AAGAB: variants seen among roughly 807,000 people sequenced by gnomAD.
The protein encoded by AAGAB is alpha and gamma adaptin binding protein.
In AAGAB, 38 loss-of-function variants were observed where a neutral mutation model predicts 44.1. The observed-to-expected ratio is 0.86, with a 90% confidence interval of 0.67 to 1.13. The LOEUF is 1.13. Among genes scored for constraint, AAGAB ranks in the 50% most tolerant of loss-of-function variants. The probability of loss-of-function intolerance (pLI) is 0.00; values close to 1 mark genes in which losing one functional copy is unlikely to be tolerated. For synonymous variants in AAGAB, 131 were observed against 131.8 expected (o/e 0.99, Z 0.04); for missense variants, 450 against 373.8 (o/e 1.20, Z -1.68).
intron 8 of AAGAB, 87 bp from the exon 9 acceptor site, chr15:67,203,684 G>T: frequency 8.5e-7 from 1 of 1,183,402 alleles, no homozygotes; most frequent in Non-Finnish European, 1.2e-6. Context: ...TGGGAGACGG[G>T]TTTCAAAGAC....
At chr15:67,235,752 T>C (rs887369795) in intron 4 of AAGAB, among the ~76,000 whole-genome samples, 5 of 152,160 alleles carry the variant, frequency 3.3e-5, no homozygotes, top group African/African-American at 1.2e-4. Flanking sequence ...CCTTTATCCA[T>C]AAGAAAAACA....
At chr15:67,223,419 C>G (rs1365364045) in intron 5 of AAGAB, among the ~76,000 whole-genome samples, 2 of 152,198 alleles carry the variant, frequency 1.3e-5, no homozygotes, top group Non-Finnish European at 2.9e-5. Context: ...ACTAATCTTT[C>G]AAGTGTTCAG....
upstream of AAGAB, chr15:67,255,034 C>G: frequency 2.3e-6 from 3 of 1,295,478 alleles, no homozygotes; most frequent in Non-Finnish European, 3.3e-6. Context: ...CGACGCTCAC[C>G]CATTTGGTGC....
chr15:67,245,774 T>C (rs1296264453), intron 1 of AAGAB, among the ~76,000 whole-genome samples: 1 of 152,190 alleles, frequency 6.6e-6, no homozygotes, highest in Non-Finnish European at 1.5e-5. Context: ...TGAAGTTAAC[T>C]TGTTTAAAGT....
rs1011115895 is a variant in AAGAB at position 67,229,907 on chromosome 15, C to G, written c.535+1907G>C. Among the ~76,000 whole-genome samples, 3 of 152,014 alleles carry G rather than the reference C, an allele frequency of 2.0e-5. No individual in the cohort carries two copies. The South Asian group carries it at 6.2e-4, about 32-fold the overall frequency. ...CTGTCGCCAGACTGGAGTGCAGTGG[C>G]GCGATCTCGGCTCACTGCAACCTCT... On this transcript the variant is annotated intron_variant, in intron 5 of 9. Transcript: ENST00000261880.
intron 7 of AAGAB, among the ~76,000 whole-genome samples, chr15:67,207,833 A>G (rs1051814413): frequency 2.9e-5 from 4 of 136,446 alleles, no homozygotes; most frequent in African/African-American, 7.9e-5. Context: ...TAAACTGGAA[A>G]GAAAAAAAAT....
At chr15:67,231,379 T>G (rs1964330866) in intron 5 of AAGAB, among the ~76,000 whole-genome samples, 1 of 152,220 alleles carries the variant, frequency 6.6e-6, no homozygotes, top group African/African-American at 2.4e-5. Flanking sequence ...AAGCTCTCTC[T>G]CTATACTTAA....
chr15:67,230,579 T>C (rs1381719966), intron 5 of AAGAB, among the ~76,000 whole-genome samples: 2 of 152,304 alleles, frequency 1.3e-5, no homozygotes, highest in East Asian at 3.9e-4. Flanking sequence ...AGAGGGACCA[T>C]GGCCCTGCCA....
At chr15:67,203,859 G>A (rs1194969611) in intron 8 of AAGAB, among the ~76,000 whole-genome samples, 185 bp downstream of exon 8, 2 of 151,942 alleles carry the variant, frequency 1.3e-5, no homozygotes, top group African/African-American at 4.8e-5. Flanking sequence ...GAAAGAGAAC[G>A]AAGATGGAAA....
intron 5 of AAGAB, among the ~76,000 whole-genome samples, chr15:67,223,359 G>C (rs890907075): frequency 1.3e-5 from 2 of 152,166 alleles, no homozygotes; most frequent in Admixed American, 6.5e-5. Flanking sequence ...ACTACTGATA[G>C]GTGACCCTGT....
intron 5 of AAGAB, among the ~76,000 whole-genome samples, chr15:67,231,274 G>A (rs1845037569): frequency 6.6e-6 from 1 of 152,178 alleles, no homozygotes; most frequent in Non-Finnish European, 1.5e-5. Flanking sequence ...TATTCTCTAT[G>A]TCATGCTTCC....
At chr15:67,222,240 GCGCACACA>G (rs1323862706) in intron 5 of AAGAB, among the ~76,000 whole-genome samples, 17,794 of 88,038 alleles carry the variant, frequency 0.2, 1,071 homozygotes, top group East Asian at 0.29. Context: ...ACGCGCGCGC[GCGCACACA>G]CACACACACA....
intron 5 of AAGAB, among the ~76,000 whole-genome samples, chr15:67,228,726 C>T (rs1343676416): frequency 1.3e-5 from 2 of 152,170 alleles, no homozygotes; most frequent in African/African-American, 4.8e-5. Context: ...AATCAACCTA[C>T]ATGCCCATCA....
chr15:67,220,668 C>CATT (rs1964046148), intron 5 of AAGAB: 2 of 152,134 alleles, frequency 1.3e-5, no homozygotes, highest in Non-Finnish European at 1.5e-5. Flanking sequence ...TCATAAAACA[C>CATT]AAGAACATGT....
At chr15:67,224,513 A>G (rs1314925416) in intron 5 of AAGAB, among the ~76,000 whole-genome samples, 1 of 152,082 alleles carries the variant, frequency 6.6e-6, no homozygotes, top group Non-Finnish European at 1.5e-5. Context: ...TTCCCTATAG[A>G]TGACTCCATA....
intron 1 of AAGAB, among the ~76,000 whole-genome samples, chr15:67,247,152 G>T (rs1204691648): frequency 6.6e-6 from 1 of 152,146 alleles, no homozygotes; most frequent in African/African-American, 2.4e-5. Context: ...AAGGTCTGCA[G>T]CTTCACTCCT....
intron 3 of AAGAB, among the ~76,000 whole-genome samples, 155 bp downstream of exon 3, chr15:67,236,253 T>A (rs1964461338): frequency 1.3e-5 from 2 of 151,984 alleles, no homozygotes; most frequent in Admixed American, 6.5e-5. Flanking sequence ...AAAAAGTAAG[T>A]ATTACAAGAT....
At chr15:67,222,248 A>G (rs1014322283) in intron 5 of AAGAB, among the ~76,000 whole-genome samples, 376 of 112,948 alleles carry the variant, frequency 3.3e-3, no homozygotes, top group East Asian at 0.012. Flanking sequence ...GCGCGCACAC[A>G]CACACACACA....
At chr15:67,245,641 A>C (rs1464414081) in intron 1 of AAGAB, among the ~76,000 whole-genome samples, 1 of 152,242 alleles carries the variant, frequency 6.6e-6, no homozygotes, top group Non-Finnish European at 1.5e-5. Flanking sequence ...GCTGCTAAAA[A>C]CCACAGAAAC....
Sources: gnomAD v4.1 joint callset for allele counts (sites outside exome capture counted in the v4.1 genomes callset) on GRCh38, gnomAD v4.1.1 for gene constraint, MANE v1.5 for transcripts, NCBI Gene and HGNC (gene_info 2026-07-23, HGNC 2026-07-21) for gene names.